The following SYNPR variants were observed in gnomAD, a reference collection of about 807,000 sequenced individuals.
SYNPR encodes the protein synaptoporin.
In SYNPR, 23 loss-of-function variants were observed where a neutral mutation model predicts 32.9. That is an observed-to-expected ratio of 0.70 (90% CI 0.50 to 0.99). SYNPR has a LOEUF of 0.99. Ranked by LOEUF, SYNPR falls within the 50% of genes least tolerant of loss-of-function variation. The pLI is 0.00. For synonymous variants in SYNPR, 146 were observed against 135.9 expected (o/e 1.07, Z -0.52); for missense variants, 318 against 349.3 (o/e 0.91, Z 0.71).
In SYNPR at chr3:63,393,226, T is replaced by C. The variant is rs527814854; in HGVS notation, c.85-87606T>C. Among the ~76,000 whole-genome samples, 93 of 152,328 alleles carry C rather than the reference T, an allele frequency of 6.1e-4. 1 individual carries two copies. In the South Asian group the frequency reaches 9.9e-3, roughly 16 times the overall value. On this transcript the variant is annotated intron_variant, in intron 2 of 5. Coordinates refer to ENST00000478300, the MANE Select transcript of SYNPR (RefSeq NM_001130003.2). ...CCCCCAATGATGAATATCTAAGATA[T>C]TTTACTTTTTTCCTGTATTACAAAT...
chr3:63,266,055 A>G (rs2086483025), intron 2 of SYNPR, among the ~76,000 whole-genome samples: 2 of 152,316 alleles, frequency 1.3e-5, no homozygotes, highest in South Asian at 4.1e-4. Context: ...CACAGACTCT[A>G]GCAAACCTGG....
chr3:63,319,977 T>A (rs2087091008), intron 2 of SYNPR, among the ~76,000 whole-genome samples: 1 of 152,000 alleles, frequency 6.6e-6, no homozygotes, highest in South Asian at 2.1e-4. Context: ...TGAGACAGGG[T>A]CTTGCCCTGT....
chr3:63,609,616 C>G (rs975472104), intron 5 of SYNPR, among the ~76,000 whole-genome samples: 1 of 152,110 alleles, frequency 6.6e-6, no homozygotes, highest in Admixed American at 6.6e-5. Context: ...AATATAAAAT[C>G]TGAACTTTGG....
At chr3:63,386,970 G>A (rs962473708) in intron 2 of SYNPR, among the ~76,000 whole-genome samples, 1 of 152,188 alleles carries the variant, frequency 6.6e-6, no homozygotes, top group Admixed American at 6.5e-5. Flanking sequence ...AAATGGCAGT[G>A]ATCTCTCAAG....
At chr3:63,421,192 C>A (rs1162594305) in intron 2 of SYNPR, among the ~76,000 whole-genome samples, 2 of 151,980 alleles carry the variant, frequency 1.3e-5, no homozygotes, top group African/African-American at 2.4e-5. Context: ...TTCTAATAGG[C>A]AATTCACAAG....
At chr3:63,515,637 G>A (rs1701782521) in intron 3 of SYNPR, among the ~76,000 whole-genome samples, 1 of 152,054 alleles carries the variant, frequency 6.6e-6, no homozygotes, top group African/African-American at 2.4e-5. Context: ...AAAGAACAGG[G>A]AAGGTTAAGA....
At chr3:63,239,867 C>G (rs921924960) in intron 1 of SYNPR, among the ~76,000 whole-genome samples, 1 of 151,874 alleles carries the variant, frequency 6.6e-6, no homozygotes, top group Non-Finnish European at 1.5e-5. Context: ...TCAAGTGTGT[C>G]ATGCACCCAT....
At chr3:63,370,541 C>T (rs977814213) in intron 2 of SYNPR, among the ~76,000 whole-genome samples, 3 of 152,136 alleles carry the variant, frequency 2.0e-5, no homozygotes, top group African/African-American at 7.2e-5. Context: ...AAAAATTATG[C>T]TGAAACTTAA....
intron 2 of SYNPR, among the ~76,000 whole-genome samples, chr3:63,385,927 A>T (rs899174385): frequency 2.0e-5 from 3 of 152,230 alleles, no homozygotes; most frequent in Non-Finnish European, 4.4e-5. Context: ...AGACTATCGA[A>T]GCTAAGACTC....
At chr3:63,600,529 A>AGG (rs1700024984) in intron 4 of SYNPR, among the ~76,000 whole-genome samples, 1 of 150,756 alleles carries the variant, frequency 6.6e-6, no homozygotes, top group Admixed American at 6.6e-5. Flanking sequence ...TCCCCACCCA[A>AGG]AATCTCATCT....
chr3:63,228,959 A>G (rs531315466), intron 1 of SYNPR, among the ~76,000 whole-genome samples: 1 of 152,206 alleles, frequency 6.6e-6, no homozygotes, highest in East Asian at 1.9e-4. Context: ...AAACAAACAG[A>G]AAAAAACATT....
intron 4 of SYNPR, among the ~76,000 whole-genome samples, chr3:63,588,002 T>C (rs1305975874): frequency 2.6e-5 from 4 of 152,244 alleles, no homozygotes; most frequent in East Asian, 3.9e-4. Flanking sequence ...ACTGGTGGGG[T>C]AAGTTCAACA....
chr3:63,319,157 G>A (rs1435881993), intron 2 of SYNPR, among the ~76,000 whole-genome samples: 3 of 151,978 alleles, frequency 2.0e-5, no homozygotes, highest in Non-Finnish European at 4.4e-5. Context: ...TTCTAGTGGA[G>A]ATGGCACTAG....
chr3:63,574,498 G>T (rs763300071), intron 4 of SYNPR, among the ~76,000 whole-genome samples: 3 of 152,160 alleles, frequency 2.0e-5, no homozygotes, highest in Non-Finnish European at 4.4e-5. Flanking sequence ...AAAGTGAGGA[G>T]AAGTGGAATC....
chr3:63,413,578 A>G lies in SYNPR; in HGVS notation c.85-67254A>G, dbSNP rs149239415. Among the ~76,000 whole-genome samples, 15 of 152,272 alleles carry G rather than the reference A, an allele frequency of 9.9e-5. No individual in the cohort carries two copies. The East Asian group carries it at 2.7e-3, about 27-fold the overall frequency. On this transcript the variant is annotated intron_variant, in intron 2 of 5. Transcript: ENST00000478300. ...TGATGAGAACAAAAATCAAGAAAAG[A>G]CCCTTAGAACAAATAGAGCCTCAAA...
At chr3:63,342,312 G>T (rs1421475652) in intron 2 of SYNPR, among the ~76,000 whole-genome samples, 1 of 152,058 alleles carries the variant, frequency 6.6e-6, no homozygotes, top group Admixed American at 6.6e-5. Flanking sequence ...TGTTTGTTTA[G>T]CGTTTTAAAC....
chr3:63,354,109 T>C (rs1255804017), intron 2 of SYNPR, among the ~76,000 whole-genome samples: 3 of 152,178 alleles, frequency 2.0e-5, no homozygotes, highest in African/African-American at 7.2e-5. Flanking sequence ...GCATTAATAA[T>C]AATAACTGTC....
At chr3:63,243,064 G>A (rs4298038) in intron 1 of SYNPR, among the ~76,000 whole-genome samples, 80,812 of 151,842 alleles carry the variant, frequency 0.53, 22,317 homozygotes, top group Non-Finnish European at 0.59. Flanking sequence ...GGAAGTTAAG[G>A]CAGAAAATAG....
Position 63,349,131 on chromosome 3 carries a change from C to T in SYNPR, c.84+70389C>T, listed in dbSNP as rs561864607. ...TAATTTTTTTTTTTTGAGATGGAGT[C>T]TCTCTCTATCACCCAGACTGGAGTG... On this transcript the variant is annotated intron_variant, in intron 2 of 5. Transcript: ENST00000478300. Among the ~76,000 whole-genome samples the T allele has an allele frequency of 2.0e-5, 3 of 151,030 alleles. No homozygotes were observed. The South Asian group carries it at 6.3e-4, about 32-fold the overall frequency.
Sources: allele counts gnomAD v4.1 joint callset (sites outside exome capture counted in the v4.1 genomes callset), GRCh38; gene constraint gnomAD v4.1.1; transcripts MANE v1.5; gene names NCBI Gene and HGNC (gene_info 2026-07-23, HGNC 2026-07-21).